The following ASPSCR1 variants were observed in gnomAD, a reference collection of about 807,000 sequenced individuals.
The protein encoded by ASPSCR1 is tether containing UBX domain for GLUT4.
ASPSCR1 carries 55 observed loss-of-function variants against 68.9 expected under a neutral mutation model. That is an observed-to-expected ratio of 0.80 (90% CI 0.64 to 1.00). The LOEUF is 1.00. ASPSCR1 is among the 50% of genes least tolerant of loss of function. The pLI is 0.00. For missense variants in ASPSCR1, 765 were observed against 762.2 expected (o/e 1.00, Z -0.04); for synonymous variants, 352 against 332.6 (o/e 1.06, Z -0.63).
At chr17:82,012,154 A>C in intron 11 of ASPSCR1, 77 bp from the exon 12 acceptor site, 2 of 1,506,974 alleles carry the variant, frequency 1.3e-6, no homozygotes, top group Non-Finnish European at 1.8e-6. Context: ...CCCCATCTGC[A>C]GGCCTGTCTT....
intron 7 of ASPSCR1, chr17:82,007,791 G>C (rs893454938): frequency 6.6e-6 from 1 of 152,264 alleles, no homozygotes; most frequent in Non-Finnish European, 1.5e-5. Context: ...CGGCCCTCTG[G>C]AATGCAGGCG....
chr17:81,979,178 C>T lies in ASPSCR1; in HGVS notation c.103-6C>T. The stretch of plus-strand genomic sequence containing the variant: ...GCAGTTCACCATCCTTTCATCTCAC[C>T]CCCAGGTTCTGGAGGACACGTGCCG... On this transcript the variant is annotated splice_polypyrimidine_tract_variant and splice_region_variant and intron_variant, in intron 1 of 15. Transcript: ENST00000306739. The T allele has an allele frequency of 6.2e-7, 1 of 1,614,076 alleles. No individual in the cohort carries two copies. The highest frequency in any genetic ancestry group is 2.2e-5 in the East Asian group (1 of 44,886).
intron 9 of ASPSCR1, among the ~76,000 whole-genome samples, chr17:82,010,330 C>G (rs900086334): frequency 1.3e-5 from 2 of 151,206 alleles, no homozygotes; most frequent in Non-Finnish European, 3.0e-5. Flanking sequence ...GAGATCGAGA[C>G]CATCCTGGCT....
At chr17:81,981,071 C>G (rs1004527463) in intron 2 of ASPSCR1, among the ~76,000 whole-genome samples, 1 of 152,172 alleles carries the variant, frequency 6.6e-6, no homozygotes, top group African/African-American at 2.4e-5. Context: ...GCCACGAAAA[C>G]CCTGACTGTG....
At chr17:82,008,962 C>T in intron 7 of ASPSCR1, 75 bp from the exon 8 acceptor site, 1 of 1,423,470 alleles carries the variant, frequency 7.0e-7, no homozygotes, top group East Asian at 2.7e-5. Flanking sequence ...ACCACCTCGG[C>T]TGGGGCACTG....
At chr17:82,003,823 C>T (rs1320107262) in intron 7 of ASPSCR1, among the ~76,000 whole-genome samples, 2 of 152,274 alleles carry the variant, frequency 1.3e-5, no homozygotes, top group African/African-American at 2.4e-5. Flanking sequence ...ATGGCGTCCA[C>T]GTGCTCCGCC....
intron 11 of ASPSCR1, among the ~76,000 whole-genome samples, chr17:82,011,876 C>T (rs767815661): frequency 2.0e-5 from 3 of 152,046 alleles, no homozygotes; most frequent in Non-Finnish European, 2.9e-5. Flanking sequence ...CCAGCCTGGT[C>T]CCCACCCCTG....
At position 82,016,520 on chromosome 17, in the gene ASPSCR1, G is replaced by A; in HGVS notation, c.1398G>A (p.Glu466=). 1 of 1,549,184 alleles carries A rather than the reference G, an allele frequency of 6.5e-7. No homozygotes were observed. Among genetic ancestry groups the A allele is most frequent in the Non-Finnish European group, 8.7e-7 (1 of 1,147,040 alleles). ...CTCTGGTGCACTTGGGAGCCGAGGA[G>A]CCGGCAGGTGAGTGTCAGTGGTTGG... ...PAALVHLGAE[E]PAGVYLEPGL... The change falls in exon 13 of 16, where the codon GAG becomes GAA. Residue 466 remains glutamate, a synonymous_variant. Coordinates refer to ENST00000306739, the MANE Select transcript of ASPSCR1 (RefSeq NM_024083.4).
Position 82,015,352 on chromosome 17 carries a change from G to A in ASPSCR1, c.1354-1124G>A, listed in dbSNP as rs776656737. ...GCTGGGCACAAGCACGTGGGGACAGGCCGGGTAGGCTGCCTGGCTCAGTGC... is the reference window on the plus strand; with the variant it reads ...GCTGGGCACAAGCACGTGGGGACAGACCGGGTAGGCTGCCTGGCTCAGTGC... On this transcript the variant is annotated intron_variant, in intron 12 of 15. Transcript: ENST00000306739. 2.5e-6 allele frequency: 4 copies of A among 1,596,744 alleles called. No individual in the cohort carries two copies. The African/African-American group carries it at 5.3e-5, about 21-fold the overall frequency.
chr17:82,016,550 A>G (rs1361470838), intron 13 of ASPSCR1, 23 bp downstream of exon 13: 3 of 1,549,054 alleles, frequency 1.9e-6, no homozygotes, highest in Admixed American at 2.0e-5. Flanking sequence ...GGTTGGGGCC[A>G]GTGTCGGAGT....
chr17:81,987,354 C>T lies in ASPSCR1; in HGVS notation c.374+1747C>T, dbSNP rs779117954. On this transcript the variant is annotated intron_variant, in intron 4 of 15. Coordinates refer to ENST00000306739, the MANE Select transcript of ASPSCR1 (RefSeq NM_024083.4). The surrounding 1 kb of genome is among the most constrained non-coding windows in gnomAD (Gnocchi z 5.6). ...CCTGGCTCTGTGCTGCTTCCTGAGA[C>T]GAGAGTGGCAGAGGGCAAGAAGAAA... is the stretch of plus-strand genomic sequence containing the variant. Among the ~76,000 whole-genome samples, 12 of 152,162 alleles carry T rather than the reference C, an allele frequency of 7.9e-5. No homozygotes were observed. The highest frequency in any genetic ancestry group is 1.2e-4 in the Non-Finnish European group (8 of 68,032).
At position 81,990,889 on chromosome 17, in the gene ASPSCR1, C is replaced by G. The variant is rs1356234750; in HGVS notation, c.375-3932C>G. The stretch of plus-strand genomic sequence containing the variant: ...AGGTCATACTGTGACTCGGGGGATA[C>G]TGTAGCACGTCTGGGCAGTCCACGA... On this transcript the variant is annotated intron_variant, in intron 4 of 15. Transcript: ENST00000306739. This position sits in a 1 kb window ranked among gnomAD's most constrained non-coding sequence, Gnocchi z 4.1. Among the ~76,000 whole-genome samples the G allele has an allele frequency of 6.6e-6, 1 of 152,150 alleles. No individual in the cohort carries two copies. Among genetic ancestry groups the G allele is most frequent in the Non-Finnish European group, 1.5e-5 (1 of 68,016 alleles).
chr17:81,979,069 C>T (rs531595718), intron 1 of ASPSCR1, 115 bp from the exon 2 acceptor site: 10 of 1,116,724 alleles, frequency 9.0e-6, no homozygotes, highest in South Asian at 1.3e-5. Flanking sequence ...CTTGGCTTTG[C>T]CTGGGCAGAG....
chr17:82,009,695 C>A (rs1295090341), intron 9 of ASPSCR1, 128 bp downstream of exon 9: 2 of 370,804 alleles, frequency 5.4e-6, no homozygotes, highest in African/African-American at 1.1e-4. Flanking sequence ...GTGGACAGGA[C>A]GTGGTGGCGA....
chr17:81,983,458 G>T lies in ASPSCR1; in HGVS notation c.159-96G>T. Reference sequence around the variant, plus strand: ...GGACGTGGATGGCGGGGCGTGGATGGCGGGGCGTGGATGGTGGGACGGGGA... The same window carrying T: ...GGACGTGGATGGCGGGGCGTGGATGTCGGGGCGTGGATGGTGGGACGGGGA... On this transcript the variant is annotated intron_variant, in intron 2 of 15. Transcript: ENST00000306739. The surrounding 1 kb of genome is among the most constrained non-coding windows in gnomAD (Gnocchi z 4.4). 2.9e-6 allele frequency: 3 copies of T among 1,017,550 alleles called. No homozygotes were observed. The highest frequency in any genetic ancestry group is 4.4e-6 in the Non-Finnish European group (3 of 680,800). 63.0% of individuals were successfully genotyped at this position (1,017,550 alleles called of 1,614,324 possible). A position where few individuals can be genotyped will look rare whatever the true frequency, so the allele number is the denominator to read the frequency against.
intron 5 of ASPSCR1, 139 bp downstream of exon 5, chr17:81,995,017 A>T: frequency 1.0e-6 from 1 of 993,860 alleles, no homozygotes; most frequent in Non-Finnish European, 1.4e-6. Context: ...GTTTCATGGA[A>T]AAAGAGGGAG....
rs1567954187 is a variant in ASPSCR1, at chr17:81,983,250, T to A, written c.159-304T>A. ...CGCCCCAGTCGTTCTCTCTGTGTTTTCCGAGCGTCTGCACTGGGGCTGTCA... is the reference window on the plus strand; with the variant it reads ...CGCCCCAGTCGTTCTCTCTGTGTTTACCGAGCGTCTGCACTGGGGCTGTCA... On this transcript the variant is annotated intron_variant, in intron 2 of 15. Transcript: ENST00000306739. This position sits in a 1 kb window ranked among gnomAD's most constrained non-coding sequence, Gnocchi z 4.4. Among the ~76,000 whole-genome samples, 1 of 152,186 alleles carries A rather than the reference T, an allele frequency of 6.6e-6. No individual in the cohort carries two copies. The highest frequency in any genetic ancestry group is 6.5e-5 in the Admixed American group (1 of 15,272).
Position 81,983,201 on chromosome 17 carries a change from C to G in ASPSCR1, c.159-353C>G, listed in dbSNP as rs1201344072. 6.6e-6 allele frequency among the ~76,000 whole-genome samples: 1 copy of G among 152,216 alleles called. No homozygotes were observed. The highest frequency in any genetic ancestry group is 2.4e-5 in the African/African-American group (1 of 41,458). ...ACGGCCGGGGTCTGTGACACTCCAGCTTCCGCGAGTGCAGCAGTGTTCACG... is the reference window on the plus strand; with the variant it reads ...ACGGCCGGGGTCTGTGACACTCCAGGTTCCGCGAGTGCAGCAGTGTTCACG... On this transcript the variant is annotated intron_variant, in intron 2 of 15. Transcript: ENST00000306739. The surrounding 1 kb of genome is among the most constrained non-coding windows in gnomAD (Gnocchi z 4.4).
At chr17:82,014,824 C>T (rs1034496029) in intron 12 of ASPSCR1, 5 of 565,286 alleles carry the variant, frequency 8.8e-6, no homozygotes, top group Admixed American at 6.4e-5. Flanking sequence ...AGCAGAGAGG[C>T]GGCTGGATTT....
Sources: gnomAD v4.1 joint callset for allele counts (sites outside exome capture counted in the v4.1 genomes callset) on GRCh38, gnomAD v4.1.1 for gene constraint, Gnocchi (gnomAD v3.1) non-coding constraint, MANE v1.5 for transcripts, NCBI Gene and HGNC (gene_info 2026-07-23, HGNC 2026-07-21) for gene names.